WIZ: variants seen among roughly 807,000 people sequenced by gnomAD.
The protein encoded by WIZ is protein Wiz.
Under a neutral mutation model 140.2 loss-of-function variants are expected in WIZ, and 25 were observed. That is an observed-to-expected ratio of 0.18 (90% CI 0.13 to 0.25). The LOEUF (loss-of-function observed/expected upper bound fraction) is 0.25, where lower values mean the gene tolerates loss of function less well. Ranked by LOEUF, WIZ falls within the 10% of genes least tolerant of loss-of-function variation. The pLI, the probability that WIZ is intolerant of heterozygous loss-of-function variation, is 1.00. For synonymous variants in WIZ, 1,125 were observed against 1,154.3 expected, an observed-to-expected ratio of 0.97 and a Z score of 0.51; for missense variants, 2,231 against 2,632.6, an observed-to-expected ratio of 0.85 and a Z score of 3.34.
intron 2 of WIZ, among the ~76,000 whole-genome samples, chr19:15,445,947 G>C (rs995082368): frequency 6.6e-6 from 1 of 152,156 alleles, no homozygotes; most frequent in African/African-American, 2.4e-5. Flanking sequence ...CTATTTATAG[G>C]CATCACAAGA....
rs1315942078 is a variant in WIZ at position 15,420,049 on chromosome 19, G to A, written c.*3027C>T. On this transcript the variant is annotated 3_prime_UTR_variant, in exon 13 of 13. Coordinates refer to ENST00000673675, the MANE Select transcript of WIZ (RefSeq NM_001371589.1). ...GTTGATTTCTTTAGGTGTAATAGTG[G>A]CATTTACAACGTTGAGAGAAACATA... 1.3e-5 allele frequency: 2 copies of A among 152,234 alleles called. No homozygotes were observed. Among genetic ancestry groups the A allele is most frequent in the Non-Finnish European group, 2.9e-5 (2 of 68,050 alleles). 9.4% of individuals were successfully genotyped at this position (152,234 alleles called of 1,614,324 possible).
chr19:15,426,746 A>C (rs1476040819), intron 9 of WIZ, among the ~76,000 whole-genome samples: 1 of 152,230 alleles, frequency 6.6e-6, no homozygotes, highest in Non-Finnish European at 1.5e-5. Flanking sequence ...AAGAGATGGA[A>C]TCTTTCTGCT....
chr19:15,441,402 A>G (rs1378761968), intron 3 of WIZ, among the ~76,000 whole-genome samples: 2 of 152,214 alleles, frequency 1.3e-5, no homozygotes, highest in Non-Finnish European at 2.9e-5. Flanking sequence ...CTTTGTCCTT[A>G]TACAACATCT....
chr19:15,427,596 A>C lies in WIZ; in HGVS notation c.3815-63T>G. 6.5e-7 allele frequency: 1 copy of C among 1,536,294 alleles called. No individual in the cohort carries two copies. Among genetic ancestry groups the C allele is most frequent in the Non-Finnish European group, 8.8e-7 (1 of 1,141,364 alleles). On this transcript the variant is annotated intron_variant, in intron 8 of 12. Coordinates refer to ENST00000673675, the MANE Select transcript of WIZ (RefSeq NM_001371589.1). This position sits in a 1 kb window ranked among gnomAD's most constrained non-coding sequence, Gnocchi z 6.4. ...AACTGCCAGCATGGTCACCTGCAGG[A>C]GTGTCCTGGTCGGCTGGGCGTGGGC...
chr19:15,445,293 C>A (rs969600297), intron 2 of WIZ, among the ~76,000 whole-genome samples: 1 of 152,230 alleles, frequency 6.6e-6, no homozygotes, highest in Non-Finnish European at 1.5e-5. Context: ...CCAGACAGAT[C>A]CGAGTTCAAT....
intron 7 of WIZ, 105 bp downstream of exon 7, chr19:15,429,481 A>T: frequency 1.3e-6 from 1 of 774,594 alleles, no homozygotes; most frequent in Non-Finnish European, 1.8e-6. Context: ...TGTAGTCCCC[A>T]CCGCCCCCAC....
Position 15,425,485 on chromosome 19 carries a change from C to A in WIZ, c.4650G>T (p.Pro1550=). The change falls in exon 10 of 13, where the codon CCG becomes CCT. Residue 1550 remains proline (P), a synonymous_variant. Coordinates refer to ENST00000673675, the MANE Select transcript of WIZ (RefSeq NM_001371589.1). ...CTGGCCGGCCAGCCAGGGGCGACAG[C>A]GGCAGTGGGGACTGCACGGGCCCAG... ...VAPGPVQSPL[P]LSPLAGRPGK... is the part of the protein sequence containing the mutation. 2 of 1,606,612 alleles carry A rather than the reference C, an allele frequency of 1.2e-6. No individual in the cohort carries two copies. Among genetic ancestry groups the A allele is most frequent in the Non-Finnish European group, 1.7e-6 (2 of 1,176,818 alleles).
chr19:15,423,251 G>A lies in WIZ; in HGVS notation c.5511-16C>T. 1 of 1,612,286 alleles carries A rather than the reference G, an allele frequency of 6.2e-7. No homozygotes were observed. The highest frequency in any genetic ancestry group is 8.5e-7 in the Non-Finnish European group (1 of 1,179,248). ...CTCACAGAACCTGCATGGGGGAACAGAGAGAGGGAGTGGCCAGTGCTGTGA... is the reference window on the plus strand; with the variant it reads ...CTCACAGAACCTGCATGGGGGAACAAAGAGAGGGAGTGGCCAGTGCTGTGA... On this transcript the variant is annotated splice_polypyrimidine_tract_variant and intron_variant, in intron 12 of 12. Transcript: ENST00000673675.
chr19:15,437,721 T>G (rs1444814937), intron 4 of WIZ, among the ~76,000 whole-genome samples: 1 of 152,222 alleles, frequency 6.6e-6, no homozygotes, highest in Non-Finnish European at 1.5e-5. Flanking sequence ...TCTATGAGAG[T>G]ATTTGATTAA....
At chr19:15,426,928 A>C in intron 9 of WIZ, 54 bp downstream of exon 9, 1 of 1,545,046 alleles carries the variant, frequency 6.5e-7, no homozygotes, top group South Asian at 1.2e-5. Context: ...AAGGGGAGGC[A>C]GGGAGGAGAC....
chr19:15,432,498 CGGCGGTGGCGGT>C (rs1187158699), intron 5 of WIZ: 10 of 894,200 alleles, frequency 1.1e-5, no homozygotes, highest in South Asian at 5.3e-5. Context: ...CGTCCCGCGG[CGGCGGTGGCGGT>C]GGCGGTGGTG....
rs370019906 is a variant in WIZ at position 15,438,409 on chromosome 19, G to C, written c.2416+169C>G. Among the ~76,000 whole-genome samples the C allele has an allele frequency of 1.5e-4, 23 of 152,294 alleles. No homozygotes were observed. The East Asian group carries it at 4.4e-3, about 29-fold the overall frequency. ...AGTGGCTGGAATGGCCAGGGGACTG[G>C]GGCGTCTCCACACATCCACCGACCA... is the stretch of plus-strand genomic sequence containing the variant. On this transcript the variant is annotated intron_variant, in intron 4 of 12. Transcript: ENST00000673675.
Position 15,423,172 on chromosome 19 carries a change from C to A in WIZ, c.5574G>T (p.Gln1858His). ...SIQEEWVRHL[Q>H]RHILEMNFSK... ...AGAAGTTCATCTCCAGGATGTGCCG[C>A]TGTAAGTGCCGCACCCACTCTTCCT... Residue 1858 changes from glutamine (Q) to histidine (H), a missense_variant, in exon 13 of 13, where the codon CAG becomes CAT. Physicochemically the swap from Gln to His is conservative, Grantham distance 24. Transcript: ENST00000673675. 6.2e-7 allele frequency: 1 copy of A among 1,613,760 alleles called. No individual in the cohort carries two copies. Among genetic ancestry groups the A allele is most frequent in the Middle Eastern group, 1.7e-4 (1 of 5,882 alleles).
chr19:15,438,525 G>T, intron 4 of WIZ, 53 bp downstream of exon 4: 1 of 1,443,752 alleles, frequency 6.9e-7, no homozygotes, highest in Non-Finnish European at 9.1e-7. Flanking sequence ...TAGATCAACG[G>T]TGGGTTGCCC....
Position 15,424,255 on chromosome 19 carries a change from G to A in WIZ, c.5438C>T (p.Pro1813Leu), listed in dbSNP as rs1261606881. The A allele has an allele frequency of 6.3e-7, 1 of 1,587,906 alleles. No individual in the cohort carries two copies. Among genetic ancestry groups the A allele is most frequent in the Non-Finnish European group, 8.5e-7 (1 of 1,170,276 alleles). Residue 1813 changes from proline to leucine, a missense_variant, in exon 12 of 13, where the codon CCC becomes CTC. Transcript: ENST00000673675. This position sits in a 1 kb window ranked among gnomAD's most constrained non-coding sequence, Gnocchi z 9.7. ...CTGGGGGGGCCGGGGCACCAGGGAG[G>A]GGACTGGCCGGACTCGGGGTGGGGG... is the stretch of plus-strand genomic sequence containing the variant. ...RQPPPRVRPV[P>L]SLVPRPPQTS... is the part of the protein sequence containing the mutation.
chr19:15,438,697 T>C lies in WIZ; in HGVS notation c.2297A>G (p.Asn766Ser). Residue 766 changes from asparagine to serine, a missense_variant, in exon 4 of 13, where the codon AAC (asparagine) becomes AGC (serine). Coordinates refer to ENST00000673675, the MANE Select transcript of WIZ (RefSeq NM_001371589.1). ...GCGGTTCAGGTGGCCCCGGACGTGG[T>C]TGGCCAAGCCGATGCCGTTGTGGAA... ...DRFHNGIGLA[N>S]HVRGHLNRVG... is the part of the protein sequence containing the mutation. 6.5e-7 allele frequency: 1 copy of C among 1,536,140 alleles called. No homozygotes were observed. The highest frequency in any genetic ancestry group is 8.7e-7 in the Non-Finnish European group (1 of 1,146,894).
chr19:15,434,455 C>T lies in WIZ; in HGVS notation c.2740+2351G>A, dbSNP rs536415651. On this transcript the variant is annotated intron_variant, in intron 5 of 12. Coordinates refer to ENST00000673675, the MANE Select transcript of WIZ (RefSeq NM_001371589.1). ...GCAGGCACCTGTAGTCCCAGCTACT[C>T]GGGAGGCTGAGGCAGAAGAATGGTG... is the stretch of plus-strand genomic sequence containing the variant. 1.5e-3 allele frequency among the ~76,000 whole-genome samples: 221 copies of T among 146,830 alleles called. 2 individuals carry two copies. Among genetic ancestry groups the T allele is most frequent in the Middle Eastern group, 3.7e-3 (1 of 268 alleles).
chr19:15,431,322 A>G, intron 5 of WIZ, 140 bp from the exon 6 acceptor site: 2 of 1,097,624 alleles, frequency 1.8e-6, no homozygotes, highest in Non-Finnish European at 2.5e-6. Context: ...CTGAGGTTCC[A>G]CCATAACCCC....
intron 7 of WIZ, 72 bp downstream of exon 7, chr19:15,429,514 G>A (rs1969082564): frequency 2.3e-6 from 3 of 1,299,032 alleles, no homozygotes; most frequent in Admixed American, 7.3e-5. Flanking sequence ...CTGTCCCTGG[G>A]CTACAGCCCA....
Sources: gnomAD v4.1 joint callset for allele counts (sites outside exome capture counted in the v4.1 genomes callset) on GRCh38, gnomAD v4.1.1 for gene constraint, Gnocchi (gnomAD v3.1) non-coding constraint, MANE v1.5 for transcripts, NCBI Gene and HGNC (gene_info 2026-07-23, HGNC 2026-07-21) for gene names.